The following ANK1 variants were observed in gnomAD, a reference collection of about 807,000 sequenced individuals.
ANK1 encodes ankyrin-1.
ANK1 carries 51 observed loss-of-function variants against 210.4 expected under a neutral mutation model. The ratio of observed to expected loss-of-function variants is 0.24; its 90% CI spans 0.19 to 0.31. ANK1 has a LOEUF of 0.31. Ranked by LOEUF, ANK1 falls within the 10% of genes least tolerant of loss-of-function variation. ANK1 has a pLI of 1.00. For synonymous variants in ANK1, 967 were observed against 1,025.9 expected (o/e 0.94, Z 1.10); for missense variants, 2,051 against 2,504.4 (o/e 0.82, Z 3.86).
Position 41,665,162 on chromosome 8 carries a change from C to G in ANK1, c.5395-1420G>C, listed in dbSNP as rs938790409. Reference sequence around the variant, plus strand: ...CCCCTCCCTATCTCTCTGGTTTGCTCTCTTGGTCTCTCACTGTTTCTCTCT... The same window carrying G: ...CCCCTCCCTATCTCTCTGGTTTGCTGTCTTGGTCTCTCACTGTTTCTCTCT... On this transcript the variant is annotated intron_variant, in intron 39 of 42. Transcript: ENST00000289734. The G allele has an allele frequency of 2.6e-6, 4 of 1,535,072 alleles. No homozygotes were observed. In the Admixed American group the frequency reaches 5.9e-5, roughly 23 times the overall value.
chr8:41,707,238 T>G (rs558604606), intron 17 of ANK1, among the ~76,000 whole-genome samples: 1 of 152,338 alleles, frequency 6.6e-6, no homozygotes, highest in East Asian at 1.9e-4. Context: ...AGGAAGGCAG[T>G]AAGGTATCAG....
intron 1 of ANK1, among the ~76,000 whole-genome samples, chr8:41,793,200 G>A (rs1345107248): frequency 1.3e-5 from 2 of 152,120 alleles, no homozygotes; most frequent in Non-Finnish European, 2.9e-5. Context: ...AACATAGTGA[G>A]ACCCCTGTCT....
intron 37 of ANK1, among the ~76,000 whole-genome samples, chr8:41,680,565 CAAAAAAAA>C (rs3063741): frequency 8.1e-6 from 1 of 123,574 alleles, no homozygotes; most frequent in Non-Finnish European, 1.7e-5. Flanking sequence ...AACTCTATCT[CAAAAAAAA>C]AAAAAAAAAA....
intron 1 of ANK1, among the ~76,000 whole-genome samples, chr8:41,836,522 C>A (rs772905144): frequency 6.6e-6 from 1 of 152,242 alleles, no homozygotes; most frequent in Non-Finnish European, 1.5e-5. Flanking sequence ...TCCCCCTCCC[C>A]TGAGGTGGTG....
intron 37 of ANK1, among the ~76,000 whole-genome samples, chr8:41,673,297 C>G (rs1230331928): frequency 6.6e-6 from 1 of 152,196 alleles, no homozygotes; most frequent in Non-Finnish European, 1.5e-5. Flanking sequence ...CTCCACTTCT[C>G]CATGGCTGGG....
At chr8:41,746,093 G>A (rs1217031259) in intron 2 of ANK1, among the ~76,000 whole-genome samples, 1 of 152,180 alleles carries the variant, frequency 6.6e-6, no homozygotes, top group Non-Finnish European at 1.5e-5. Flanking sequence ...AACACACTAA[G>A]AGAACAGCCC....
chr8:41,774,146 C>T (rs758939177), intron 1 of ANK1, among the ~76,000 whole-genome samples: 5 of 152,014 alleles, frequency 3.3e-5, no homozygotes, highest in African/African-American at 7.2e-5. Flanking sequence ...GACGAGGTCT[C>T]TTCTCATCTC....
chr8:41,798,289 C>T (rs530435977), upstream of ANK1, among the ~76,000 whole-genome samples: 1 of 152,162 alleles, frequency 6.6e-6, no homozygotes, highest in Admixed American at 6.5e-5. Flanking sequence ...TTCACTAGGG[C>T]CCCATGCTGC....
At chr8:41,752,399 G>C (rs117732245) in intron 2 of ANK1, among the ~76,000 whole-genome samples, 1 of 152,094 alleles carries the variant, frequency 6.6e-6, no homozygotes, top group South Asian at 2.1e-4. Flanking sequence ...ATCAGCCCCC[G>C]TCAGCACTCG....
rs117951307 is a variant in ANK1, at chr8:41,683,282, G to A, written c.4537+1262C>T. Among the ~76,000 whole-genome samples, 218 of 152,342 alleles carry A rather than the reference G, an allele frequency of 1.4e-3. 3 individuals are homozygous for A. In the East Asian group the frequency reaches 0.039, roughly 27 times the overall value. On this transcript the variant is annotated intron_variant, in intron 37 of 42. Coordinates refer to ENST00000289734, the MANE Select transcript of ANK1 (RefSeq NM_000037.4). ...GATAGCGTGAGTGCACAGAGGTCAA[G>A]ATGAGGTCAGAGGCAGAAGAGAGGC... is the stretch of plus-strand genomic sequence containing the variant.
chr8:41,894,959 C>T (rs185748237), intron 1 of ANK1, among the ~76,000 whole-genome samples: 79 of 152,248 alleles, frequency 5.2e-4, no homozygotes, highest in East Asian at 1.9e-4. Context: ...TATTTACACA[C>T]AAGATGGCAA....
chr8:41,763,434 G>T (rs924491158), intron 1 of ANK1, among the ~76,000 whole-genome samples: 11 of 152,078 alleles, frequency 7.2e-5, no homozygotes, highest in Non-Finnish European at 2.9e-5. Context: ...CATTTTAGAG[G>T]TGATGAAACT....
At chr8:41,854,380 A>G (rs1410794666) in intron 1 of ANK1, among the ~76,000 whole-genome samples, 1 of 152,182 alleles carries the variant, frequency 6.6e-6, no homozygotes, top group Non-Finnish European at 1.5e-5. Flanking sequence ...CATCAAGCCA[A>G]TCAAGGAGCC....
At chr8:41,768,485 C>T (rs1297804872) in intron 1 of ANK1, among the ~76,000 whole-genome samples, 2 of 152,180 alleles carry the variant, frequency 1.3e-5, no homozygotes, top group African/African-American at 4.8e-5. Context: ...CTCACAGCCA[C>T]CCATAAGGTA....
rs1263890981 is a variant in ANK1, at chr8:41,655,043, TA to T, written c.*746del. 1 of 151,696 alleles carries T rather than the reference TA, an allele frequency of 6.6e-6. No homozygotes were observed. The highest frequency in any genetic ancestry group is 1.5e-5 in the Non-Finnish European group (1 of 67,958). The allele number at this position is 151,696 out of a possible 1,614,324, so 9.4% of individuals were successfully genotyped here. The stretch of plus-strand genomic sequence containing the variant: ...GAAATTGGCAGAGAGAGAGACAACA[TA>T]AAAAATTCCAATTTATCCACAGCAG... On this transcript the variant is annotated 3_prime_UTR_variant, in exon 43 of 43. Coordinates refer to ENST00000289734, the MANE Select transcript of ANK1 (RefSeq NM_000037.4).
chr8:41,846,234 C>A (rs534354247), intron 1 of ANK1, among the ~76,000 whole-genome samples: 2 of 152,360 alleles, frequency 1.3e-5, no homozygotes, highest in Admixed American at 6.5e-5. Context: ...CTAAGACGAA[C>A]TGCTGAGCAC....
At chr8:41,793,351 G>A (rs1161860759) in intron 1 of ANK1, among the ~76,000 whole-genome samples, 1 of 152,148 alleles carries the variant, frequency 6.6e-6, no homozygotes, top group Non-Finnish European at 1.5e-5. Flanking sequence ...CTGCACTCCA[G>A]CCTGGGCAAT....
chr8:41,851,178 C>A (rs1202806217), intron 1 of ANK1, among the ~76,000 whole-genome samples: 2 of 152,190 alleles, frequency 1.3e-5, no homozygotes, highest in African/African-American at 2.4e-5. Context: ...TCGACCAAAT[C>A]ATGATCAATA....
chr8:41,890,135 C>G (rs753171799), intron 1 of ANK1, among the ~76,000 whole-genome samples: 3 of 152,212 alleles, frequency 2.0e-5, no homozygotes, highest in Non-Finnish European at 4.4e-5. Flanking sequence ...ATTAGCTATA[C>G]TCCATTAAAT....
Sources: gnomAD v4.1 joint callset for allele counts (sites outside exome capture counted in the v4.1 genomes callset) on GRCh38, gnomAD v4.1.1 for gene constraint, MANE v1.5 for transcripts, NCBI Gene and HGNC (gene_info 2026-07-23, HGNC 2026-07-21) for gene names.